The following KIAA1549 variants were observed in gnomAD, a reference collection of about 807,000 sequenced individuals.
KIAA1549 encodes the protein KIAA1549, also known as UPF0606 protein KIAA1549.
KIAA1549 carries 70 observed loss-of-function variants against 156.4 expected under a neutral mutation model. That is an observed-to-expected ratio of 0.45 (90% CI 0.37 to 0.55). The LOEUF is 0.55. Among genes scored for constraint, KIAA1549 ranks in the 20% least tolerant of loss-of-function variants. The probability of loss-of-function intolerance (pLI) is 0.00; values close to 1 mark genes in which losing one functional copy is unlikely to be tolerated. For synonymous variants in KIAA1549, 1,103 were observed against 1,066.4 expected, an observed-to-expected ratio of 1.03 and a Z score of -0.67; for missense variants, 2,428 against 2,540.9, an observed-to-expected ratio of 0.96 and a Z score of 0.96.
intron 6 of KIAA1549, among the ~76,000 whole-genome samples, chr7:138,906,498 A>G (rs933347403): frequency 5.9e-5 from 9 of 152,220 alleles, no homozygotes; most frequent in African/African-American, 2.2e-4. Context: ...GTGAATCCAA[A>G]AACTTCACTA....
chr7:138,860,318 AG>A (rs1422455179), intron 16 of KIAA1549, among the ~76,000 whole-genome samples: 8 of 152,234 alleles, frequency 5.3e-5, no homozygotes, highest in Non-Finnish European at 8.8e-5. Flanking sequence ...CTCTTGCTGA[AG>A]GCTCTTACTT....
At position 138,919,452 on chromosome 7, in the gene KIAA1549, C is replaced by G; in HGVS notation, c.188-14G>C. 6.2e-7 allele frequency: 1 copy of G among 1,609,512 alleles called. No homozygotes were observed. The highest frequency in any genetic ancestry group is 1.1e-5 in the South Asian group (1 of 90,364). On this transcript the variant is annotated splice_polypyrimidine_tract_variant and intron_variant, in intron 1 of 19. Transcript: ENST00000422774. The stretch of plus-strand genomic sequence containing the variant: ...GAGAGAGCTCATCTATCAAGAAAAT[C>G]AGAGCTGGGTTAGTGCAATGCATTG...
intron 4 of KIAA1549, among the ~76,000 whole-genome samples, chr7:138,909,818 G>A (rs1299505519): frequency 6.6e-6 from 1 of 151,938 alleles, no homozygotes; most frequent in Admixed American, 6.6e-5. Context: ...ATGGTGGTGG[G>A]TGCTTGTAAT....
At chr7:138,878,062 G>A (rs1173730599) in intron 12 of KIAA1549, among the ~76,000 whole-genome samples, 6 of 152,262 alleles carry the variant, frequency 3.9e-5, no homozygotes, top group East Asian at 1.9e-4. Context: ...AAACAGTATC[G>A]GTTACCATGG....
intron 5 of KIAA1549, 74 bp from the exon 6 acceptor site, chr7:138,907,176 A>G: frequency 8.0e-7 from 1 of 1,251,152 alleles, no homozygotes. Context: ...TTTCTCTCTC[A>G]CAGGTCCTCT....
At chr7:138,908,070 G>A (rs890224665) in intron 5 of KIAA1549, among the ~76,000 whole-genome samples, 2 of 152,240 alleles carry the variant, frequency 1.3e-5, no homozygotes, top group Middle Eastern at 3.4e-3. Flanking sequence ...TGGAGCTGAC[G>A]TAGAAAGAGA....
chr7:138,837,902 C>A lies in KIAA1549; in HGVS notation c.*4G>T. The A allele has an allele frequency of 1.2e-6, 2 of 1,612,822 alleles. No individual in the cohort carries two copies. On this transcript the variant is annotated 3_prime_UTR_variant, in exon 20 of 20. Coordinates refer to ENST00000422774, the MANE Select transcript of KIAA1549 (RefSeq NM_001164665.2). ...TACTTGGCAAATCTGCGAGGCGAGG[C>A]CGATCAGCTGTGGAAGTTCTGCACG...
intron 10 of KIAA1549, among the ~76,000 whole-genome samples, chr7:138,886,929 T>A (rs1333209330): frequency 6.6e-6 from 1 of 151,964 alleles, no homozygotes; most frequent in African/African-American, 2.4e-5. Context: ...TGAGATGGAG[T>A]CTCACTCTGT....
chr7:138,930,193 AG>A (rs1812832206), intron 1 of KIAA1549, among the ~76,000 whole-genome samples: 1 of 152,188 alleles, frequency 6.6e-6, no homozygotes, highest in Admixed American at 6.5e-5. Flanking sequence ...AGTGGCCTTA[AG>A]TTAGTCAGTA....
chr7:138,839,039 C>T (rs1408923985), intron 19 of KIAA1549, among the ~76,000 whole-genome samples: 2 of 152,162 alleles, frequency 1.3e-5, no homozygotes, highest in African/African-American at 2.4e-5. Context: ...CAACCCCAAA[C>T]ACCTCATGAA....
In KIAA1549 at chr7:138,834,172, CTTTTT is replaced by C; in HGVS notation, c.*3729_*3733del. ...TTATGTCTTTTGAACAAATTTTTTT[CTTTTT>C]GAGACACAGTCTTGCTCTGTCGCCC... On this transcript the variant is annotated 3_prime_UTR_variant, in exon 20 of 20. Coordinates refer to ENST00000422774, the MANE Select transcript of KIAA1549 (RefSeq NM_001164665.2). The C allele has an allele frequency of 5.0e-6, 1 of 198,792 alleles. No individual in the cohort carries two copies. The highest frequency in any genetic ancestry group is 1.0e-5 in the Non-Finnish European group (1 of 96,202). The allele number at this position is 198,792 out of a possible 1,614,324, so 12.3% of individuals were successfully genotyped here. A position where few individuals can be genotyped will look rare whatever the true frequency, so the allele number is the denominator to read the frequency against.
At chr7:138,964,316 C>T (rs1274115014) in intron 1 of KIAA1549, among the ~76,000 whole-genome samples, 1 of 152,194 alleles carries the variant, frequency 6.6e-6, no homozygotes. Flanking sequence ...AACCCAGACC[C>T]AGAACAGAGG....
At chr7:138,845,965 T>C (rs1377686251) in intron 17 of KIAA1549, among the ~76,000 whole-genome samples, 1 of 152,180 alleles carries the variant, frequency 6.6e-6, no homozygotes, top group African/African-American at 2.4e-5. Context: ...TTGGTTCAGT[T>C]CAGTCTCCAC....
chr7:138,899,660 C>G (rs961852766), intron 8 of KIAA1549, among the ~76,000 whole-genome samples: 2 of 152,090 alleles, frequency 1.3e-5, no homozygotes, highest in Non-Finnish European at 2.9e-5. Context: ...TTAGTAGTAT[C>G]CCTGCCCTCT....
chr7:138,842,693 C>CAAAAA (rs34144804), intron 18 of KIAA1549, among the ~76,000 whole-genome samples: 1 of 140,644 alleles, frequency 7.1e-6, no homozygotes. Context: ...AACTCTGTCT[C>CAAAAA]AAAAAAAAAA....
chr7:138,945,801 C>A (rs949883221), intron 1 of KIAA1549, among the ~76,000 whole-genome samples: 1 of 152,092 alleles, frequency 6.6e-6, no homozygotes, highest in African/African-American at 2.4e-5. Flanking sequence ...GTGGCTCACG[C>A]CTGTAATCCT....
rs377434618 is a variant in KIAA1549 at position 138,906,929 on chromosome 7, C to T, written c.3450G>A (p.Gln1150=). ...FSFYLGYPVL[Q]IAEPFQYPQL... is the part of the protein sequence containing the mutation. ...GAGGGCTGTACTCACGCTCTGCGATCTGCAGCACTGGGTATCCCAGATAGA... is the reference window on the plus strand; with the variant it reads ...GAGGGCTGTACTCACGCTCTGCGATTTGCAGCACTGGGTATCCCAGATAGA... Residue 1150 remains glutamine (Q), a synonymous_variant, in exon 6 of 20, where the codon CAG becomes CAA. Transcript: ENST00000422774. The T allele has an allele frequency of 1.9e-6, 3 of 1,599,490 alleles. No individual in the cohort carries two copies. Among genetic ancestry groups the T allele is most frequent in the African/African-American group, 1.3e-5 (1 of 74,538 alleles).
intron 1 of KIAA1549, among the ~76,000 whole-genome samples, chr7:138,937,143 G>A (rs1290944042): frequency 6.6e-6 from 1 of 151,958 alleles, no homozygotes; most frequent in African/African-American, 2.4e-5. Context: ...CCTACAACCA[G>A]CCCATGCCCC....
At chr7:138,859,940 C>A (rs1810505032) in intron 16 of KIAA1549, among the ~76,000 whole-genome samples, 1 of 152,216 alleles carries the variant, frequency 6.6e-6, no homozygotes, top group African/African-American at 2.4e-5. Context: ...CACAGAGATG[C>A]TATTTTGTCC....
Sources: gnomAD v4.1 joint callset for allele counts (sites outside exome capture counted in the v4.1 genomes callset) on GRCh38, gnomAD v4.1.1 for gene constraint, MANE v1.5 for transcripts, NCBI Gene and HGNC (gene_info 2026-07-23, HGNC 2026-07-21) for gene names.